The following STK40 variants were observed in gnomAD, a reference collection of about 807,000 sequenced individuals.
STK40 encodes serine/threonine-protein kinase 40.
Under a neutral mutation model 47.9 loss-of-function variants are expected in STK40, and 13 were observed. That is an observed-to-expected ratio of 0.27 (90% CI 0.18 to 0.43). STK40 has a LOEUF of 0.43. Ranked by LOEUF, STK40 falls within the 20% of genes least tolerant of loss-of-function variation. STK40 has a pLI of 1.00. For synonymous variants in STK40, 225 were observed against 243.2 expected, an observed-to-expected ratio of 0.93 and a Z score of 0.69; for missense variants, 460 against 595.1, an observed-to-expected ratio of 0.77 and a Z score of 2.36.
chr1:36,361,839 T>C (rs1646855035), intron 1 of STK40, among the ~76,000 whole-genome samples: 1 of 152,108 alleles, frequency 6.6e-6, no homozygotes, highest in African/African-American at 2.4e-5. Context: ...GCCCCAGGAA[T>C]GGGATGCTTG....
chr1:36,368,974 C>G (rs1320101655), intron 1 of STK40, among the ~76,000 whole-genome samples: 1 of 152,154 alleles, frequency 6.6e-6, no homozygotes, highest in Non-Finnish European at 1.5e-5. Flanking sequence ...AGGAGAAAAT[C>G]CAGCCTGCTC....
At chr1:36,352,067 C>T (rs1646763739) in intron 6 of STK40, among the ~76,000 whole-genome samples, 1 of 152,216 alleles carries the variant, frequency 6.6e-6, no homozygotes, top group African/African-American at 2.4e-5. Flanking sequence ...ACCCAATTTC[C>T]CAACTTTATG....
chr1:36,370,898 A>C (rs1207289134), intron 1 of STK40, among the ~76,000 whole-genome samples: 1 of 132,426 alleles, frequency 7.6e-6, no homozygotes, highest in South Asian at 2.3e-4. Context: ...TTTTTTTTTG[A>C]TGGAGTCTTG....
intron 4 of STK40, among the ~76,000 whole-genome samples, chr1:36,357,581 C>T (rs1646815469): frequency 6.6e-6 from 1 of 151,940 alleles, no homozygotes; most frequent in South Asian, 2.1e-4. Context: ...TCAGTTTGTC[C>T]AGTAAATGTC....
At chr1:36,355,552 T>C (rs1646796516) in intron 4 of STK40, 119 bp from the exon 5 acceptor site, 1 of 1,101,964 alleles carries the variant, frequency 9.1e-7, no homozygotes, top group Non-Finnish European at 1.4e-6. Context: ...GGAATTAGCC[T>C]GCATGTGCGG....
intron 1 of STK40, among the ~76,000 whole-genome samples, chr1:36,371,462 G>C (rs1557521538): frequency 1.3e-5 from 2 of 151,706 alleles, no homozygotes; most frequent in African/African-American, 2.4e-5. Flanking sequence ...GCTGAGGCAG[G>C]AGAATGGCGT....
rs1271402529 is a variant in STK40 at position 36,364,854 on chromosome 1, T to C, written c.-8-3514A>G. ...AATTAAAAATAAGGTTGACTTTTTA[T>C]GTAGTTAAATATTTCTGTCTTTTCC... On this transcript the variant is annotated intron_variant, in intron 1 of 10. Coordinates refer to ENST00000373132, the MANE Select transcript of STK40 (RefSeq NM_001282547.2). Among the ~76,000 whole-genome samples, 4 of 152,182 alleles carry C rather than the reference T, an allele frequency of 2.6e-5. No homozygotes were observed. The East Asian group carries it at 5.8e-4, about 22-fold the overall frequency.
At chr1:36,355,563 GC>G in intron 4 of STK40, 130 bp from the exon 5 acceptor site, 1 of 997,180 alleles carries the variant, frequency 1.0e-6, no homozygotes, top group Non-Finnish European at 1.5e-6. Context: ...GCATGTGCGG[GC>G]CAGAGAGGAC....
intron 3 of STK40, 145 bp downstream of exon 3, chr1:36,358,592 G>A (rs1350668728): frequency 1.0e-5 from 11 of 1,096,954 alleles, no homozygotes; most frequent in African/African-American, 1.6e-5. Flanking sequence ...TTGTTCTGAG[G>A]GAGACTGTGA....
At chr1:36,347,541 A>G (rs545040267) in intron 7 of STK40, among the ~76,000 whole-genome samples, 12 of 152,220 alleles carry the variant, frequency 7.9e-5, no homozygotes, top group Non-Finnish European at 1.6e-4. Context: ...TAAGATAGAT[A>G]TTGGCCTCAC....
chr1:36,352,121 C>T (rs1358044342), intron 6 of STK40, among the ~76,000 whole-genome samples: 1 of 152,168 alleles, frequency 6.6e-6, no homozygotes. Flanking sequence ...CTCGGGGCTC[C>T]CCACCACCTC....
Position 36,377,878 on chromosome 1 carries a change from G to T in STK40, c.-9+7845C>A, listed in dbSNP as rs570358551. Among the ~76,000 whole-genome samples the T allele has an allele frequency of 7.2e-5, 11 of 152,292 alleles. No individual in the cohort carries two copies. In the South Asian group the frequency reaches 2.1e-3, roughly 29 times the overall value. On this transcript the variant is annotated intron_variant, in intron 1 of 10. Coordinates refer to ENST00000373132, the MANE Select transcript of STK40 (RefSeq NM_001282547.2). Reference sequence around the variant, plus strand: ...TGGGCCTTGCTGGAGCTGGCCCCTGGGTCCTGCCTGCCTGCCATGCACTAG... The same window carrying T: ...TGGGCCTTGCTGGAGCTGGCCCCTGTGTCCTGCCTGCCTGCCATGCACTAG...
In STK40 at chr1:36,344,253, G is replaced by A. The variant is rs749198474; in HGVS notation, c.751C>T (p.Arg251Cys). ...GCCCACATGTCACTGGGCTTGCCAC[G>A]GTACGGCCGGCCTACGGGCACACAC... is the stretch of plus-strand genomic sequence containing the variant. ...SPDVLSGRPY[R>C]GKPSDMWALG... Residue 251 changes from arginine to cysteine, a missense_variant, in exon 8 of 11, where the codon CGT (arginine) becomes TGT (cysteine). Around this residue, in one of 3 missense-constraint regions of STK40, gnomAD observed 277 missense variants for 358.7 expected, o/e 0.77. Coordinates refer to ENST00000373132, the MANE Select transcript of STK40 (RefSeq NM_001282547.2). 4.1e-5 allele frequency: 65 copies of A among 1,604,736 alleles called. No individual in the cohort carries two copies. Among genetic ancestry groups the A allele is most frequent in the East Asian group, 2.9e-4 (13 of 44,840 alleles).
chr1:36,341,390 C>A lies in STK40; in HGVS notation c.*365G>T. 1 of 228,598 alleles carries A rather than the reference C, an allele frequency of 4.4e-6. No homozygotes were observed. The highest frequency in any genetic ancestry group is 5.2e-5 in the Admixed American group (1 of 19,098). 14.2% of individuals were successfully genotyped at this position (228,598 alleles called of 1,614,324 possible). ...TTATTTGGACTGTGGGGAGCAGCGC[C>A]CCAGGTCAGTTGGTGGCCGCTGGGG... On this transcript the variant is annotated 3_prime_UTR_variant, in exon 11 of 11. Coordinates refer to ENST00000373132, the MANE Select transcript of STK40 (RefSeq NM_001282547.2).
intron 1 of STK40, chr1:36,372,873 C>T (rs973328146): frequency 6.6e-6 from 1 of 152,314 alleles, no homozygotes; most frequent in Non-Finnish European, 1.5e-5. Flanking sequence ...ACACTCTGGG[C>T]GCCACCCCTG....
intron 2 of STK40, among the ~76,000 whole-genome samples, chr1:36,360,331 C>T (rs1646840771): frequency 6.6e-6 from 1 of 152,206 alleles, no homozygotes; most frequent in South Asian, 2.1e-4. Flanking sequence ...ATTTGGACTG[C>T]TGGTCCTTAT....
At chr1:36,377,467 A>T (rs1000132124) in intron 1 of STK40, among the ~76,000 whole-genome samples, 5 of 137,136 alleles carry the variant, frequency 3.6e-5, no homozygotes, top group Non-Finnish European at 6.1e-5. Context: ...TGGGAGGCGG[A>T]GGTTGCAGTG....
intron 7 of STK40, among the ~76,000 whole-genome samples, chr1:36,346,204 G>A (rs1035624943): frequency 2.0e-5 from 3 of 151,344 alleles, no homozygotes; most frequent in Non-Finnish European, 2.9e-5. Flanking sequence ...CTGAGTTAAC[G>A]AGGATGGTCT....
chr1:36,351,341 G>A (rs188802554), intron 6 of STK40, among the ~76,000 whole-genome samples: 2 of 152,276 alleles, frequency 1.3e-5, no homozygotes, highest in Admixed American at 1.3e-4. Flanking sequence ...CCTCCAGCTG[G>A]TCCGCCTACT....
Sources: gnomAD v4.1 joint callset for allele counts (sites outside exome capture counted in the v4.1 genomes callset) on GRCh38, gnomAD v4.1.1 for gene constraint, gnomAD v4.1.1 regional missense constraint, MANE v1.5 for transcripts, NCBI Gene and HGNC (gene_info 2026-07-23, HGNC 2026-07-21) for gene names.